ITCH: variants seen among roughly 807,000 people sequenced by gnomAD.
The protein encoded by ITCH is E3 ubiquitin-protein ligase Itchy homolog.
A neutral mutation model predicts 126.8 loss-of-function variants in ITCH; 28 were observed. The ratio of observed to expected loss-of-function variants is 0.22; its 90% CI spans 0.16 to 0.30. ITCH has a LOEUF of 0.30. Ranked by LOEUF, ITCH falls within the 10% of genes least tolerant of loss-of-function variation. The pLI, the probability that ITCH is intolerant of heterozygous loss-of-function variation, is 1.00. For missense variants in ITCH, 631 were observed against 1,032.4 expected, an observed-to-expected ratio of 0.61 and a Z score of 5.33; for synonymous variants, 342 against 340.0, an observed-to-expected ratio of 1.01 and a Z score of -0.06.
At chr20:34,449,365 AGTT>A (rs1473576231) in intron 11 of ITCH, 43 bp from the exon 12 acceptor site, 15 of 1,137,048 alleles carry the variant, frequency 1.3e-5, no homozygotes, top group Non-Finnish European at 2.0e-5. Flanking sequence ...CTGTCAGATA[AGTT>A]GTTAAGTTGT....
intron 24 of ITCH, among the ~76,000 whole-genome samples, chr20:34,504,775 A>C (rs776343758): frequency 6.6e-6 from 1 of 152,188 alleles, no homozygotes; most frequent in Non-Finnish European, 1.5e-5. Flanking sequence ...CTGACAGCAA[A>C]TATATTAATA....
At chr20:34,450,508 C>T (rs1393491696) in intron 12 of ITCH, among the ~76,000 whole-genome samples, 2 of 152,130 alleles carry the variant, frequency 1.3e-5, no homozygotes, top group African/African-American at 4.8e-5. Flanking sequence ...TTAAGCTGGA[C>T]CTACCCTACT....
At chr20:34,398,687 C>G (rs1234218155) in intron 3 of ITCH, among the ~76,000 whole-genome samples, 1 of 152,110 alleles carries the variant, frequency 6.6e-6, no homozygotes, top group African/African-American at 2.4e-5. Flanking sequence ...CGTGAGCCAC[C>G]GCGCCTGGCC....
At chr20:34,375,731 T>A (rs964774625) in intron 2 of ITCH, among the ~76,000 whole-genome samples, 8 of 128,946 alleles carry the variant, frequency 6.2e-5, no homozygotes, top group Non-Finnish European at 1.1e-4. Flanking sequence ...TTTTTTTTTT[T>A]ACCAGTTGCT....
Position 34,445,220 on chromosome 20 carries a change from A to G in ITCH, c.966-67A>G, listed in dbSNP as rs1248867856. On this transcript the variant is annotated intron_variant, in intron 10 of 24. Transcript: ENST00000374864. ...AATCAAAAGTAGTTTCTCAAGGTAA[A>G]ATATTCTATCTGTTTCACAAGTATT... 1.9e-6 allele frequency: 3 copies of G among 1,566,236 alleles called. No homozygotes were observed. The African/African-American group carries it at 4.1e-5, about 21-fold the overall frequency.
intron 13 of ITCH, among the ~76,000 whole-genome samples, chr20:34,461,041 G>A (rs1986456708): frequency 6.6e-6 from 1 of 151,992 alleles, no homozygotes; most frequent in African/African-American, 2.4e-5. Flanking sequence ...CTTTTTTTGA[G>A]TTGCCTTAGT....
rs146416167 is a variant in ITCH, at chr20:34,392,599, G to A, written c.-21-1192G>A. 4.1e-3 allele frequency among the ~76,000 whole-genome samples: 627 copies of A among 152,290 alleles called. 4 individuals are homozygous for A. Among genetic ancestry groups the A allele is most frequent in the Non-Finnish European group, 6.6e-3 (452 of 68,030 alleles). On this transcript the variant is annotated intron_variant, in intron 2 of 24. Transcript: ENST00000374864. ...AATTTGCATAAAAACTCAAGACAGC[G>A]TTTACAGTTTCAAGGCATTTTGTTT...
rs200138554 is a variant in ITCH, at chr20:34,507,833, T to C, written c.*39T>C. On this transcript the variant is annotated 3_prime_UTR_variant, in exon 25 of 25. Transcript: ENST00000374864. ...GCACCATGAATGGGCAAGAACTTAT[T>C]TGCAATGTTTGTCCTTCTCTGCCTG... 185 of 1,440,076 alleles carry C rather than the reference T, an allele frequency of 1.3e-4. 1 individual carries two copies. The highest frequency in any genetic ancestry group is 1.6e-4 in the Non-Finnish European group (159 of 1,022,036). The allele number at this position is 1,440,076 out of a possible 1,614,324, so 89.2% of individuals were successfully genotyped here. A position where few individuals can be genotyped will look rare whatever the true frequency, so the allele number is the denominator to read the frequency against.
rs1384159436 is a variant in ITCH at position 34,481,171 on chromosome 20, T to G, written c.2058T>G (p.Ile686Met). ...ATCTGAAACCTAATGGTGGCAATAT[T>G]CTTGTAACAGAAGAAAATAAAGAGG... ...SHDLKPNGGNILVTEENKEEY... is the reference protein window; with the variant it reads ...SHDLKPNGGNMLVTEENKEEY... Residue 686 changes from isoleucine to methionine, a missense_variant, in exon 20 of 25, where the codon ATT (isoleucine) becomes ATG (methionine). By Grantham distance (10) the Ile-to-Met change is conservative. Around this residue, in one of 4 missense-constraint regions of ITCH, gnomAD observed 390 missense variants for 731.6 expected, o/e 0.53. Transcript: ENST00000374864. 2.6e-5 allele frequency: 42 copies of G among 1,613,444 alleles called. No individual in the cohort carries two copies. The highest frequency in any genetic ancestry group is 3.5e-5 in the Non-Finnish European group (41 of 1,179,702).
intron 23 of ITCH, among the ~76,000 whole-genome samples, chr20:34,501,439 T>C (rs1416894956): frequency 6.6e-6 from 1 of 152,186 alleles, no homozygotes; most frequent in South Asian, 2.1e-4. Context: ...TTCCTACTTA[T>C]AAGAAAAGGT....
intron 20 of ITCH, among the ~76,000 whole-genome samples, chr20:34,486,533 C>T (rs1463246910): frequency 1.3e-5 from 2 of 151,812 alleles, no homozygotes; most frequent in Non-Finnish European, 2.9e-5. Flanking sequence ...GCCATGTTGG[C>T]CGGGCTTGTC....
chr20:34,475,064 C>T (rs1247304439), intron 16 of ITCH, among the ~76,000 whole-genome samples: 4 of 150,862 alleles, frequency 2.7e-5, no homozygotes, highest in Non-Finnish European at 4.4e-5. Context: ...CATGGGCGGC[C>T]GGGCAGAGAC....
At chr20:34,472,395 A>AAG (rs33981986) in intron 16 of ITCH, among the ~76,000 whole-genome samples, 63,796 of 145,706 alleles carry the variant, frequency 0.44, 14,414 homozygotes, top group Non-Finnish European at 0.49. Context: ...AAAAAAAAAA[A>AAG]AACTTGAGTT....
chr20:34,456,656 A>ATGTGTGTGTGTG (rs1443960313), intron 12 of ITCH, among the ~76,000 whole-genome samples: 157 of 143,440 alleles, frequency 1.1e-3, no homozygotes, highest in African/African-American at 2.5e-3. Flanking sequence ...ATATATATAT[A>ATGTGTGTGTGTG]TATGTGTGTG....
At chr20:34,387,347 C>G (rs548112064) in intron 2 of ITCH, among the ~76,000 whole-genome samples, 2 of 151,672 alleles carry the variant, frequency 1.3e-5, no homozygotes, top group African/African-American at 2.4e-5. Context: ...ATTGACCCAG[C>G]TGGGCACAGT....
At chr20:34,495,017 C>T (rs1432926587) in intron 23 of ITCH, among the ~76,000 whole-genome samples, 2 of 149,686 alleles carry the variant, frequency 1.3e-5, no homozygotes, top group African/African-American at 2.5e-5. Flanking sequence ...GTTGGGAGGC[C>T]GAGGCAGGCG....
intron 7 of ITCH, among the ~76,000 whole-genome samples, chr20:34,437,064 G>T (rs544611488): frequency 6.6e-6 from 1 of 151,316 alleles, no homozygotes; most frequent in Admixed American, 6.6e-5. Flanking sequence ...GGTAGGTGAA[G>T]GTTGCAGTGA....
chr20:34,434,578 G>A (rs1454291021), intron 7 of ITCH, among the ~76,000 whole-genome samples: 3 of 152,170 alleles, frequency 2.0e-5, no homozygotes, highest in Non-Finnish European at 4.4e-5. Flanking sequence ...TTGAAGAAGG[G>A]GAGAGAGACT....
rs1440409269 is a variant in ITCH at position 34,508,123 on chromosome 20, C to G, written c.*329C>G. On this transcript the variant is annotated 3_prime_UTR_variant, in exon 25 of 25. Coordinates refer to ENST00000374864, the MANE Select transcript of ITCH (RefSeq NM_031483.7). ...TCTCACTTGGGAGTAGTGTTTTTTT[C>G]TTTTAGACATTCTGCAGACATGCAG... The G allele has an allele frequency of 6.1e-6, 2 of 327,244 alleles. No homozygotes were observed. Among genetic ancestry groups the G allele is most frequent in the African/African-American group, 2.1e-5 (1 of 46,668 alleles). 20.3% of individuals were successfully genotyped at this position (327,244 alleles called of 1,614,324 possible).
Sources: gnomAD v4.1 joint callset for allele counts (sites outside exome capture counted in the v4.1 genomes callset) on GRCh38, gnomAD v4.1.1 for gene constraint, gnomAD v4.1.1 regional missense constraint, MANE v1.5 for transcripts, NCBI Gene and HGNC (gene_info 2026-07-23, HGNC 2026-07-21) for gene names.